The following CMYA5 variants were observed in gnomAD, a reference collection of about 807,000 sequenced individuals.
The protein encoded by CMYA5 is cardiomyopathy-associated protein 5.
CMYA5 carries 246 observed loss-of-function variants against 318.9 expected under a neutral mutation model. That is an observed-to-expected ratio of 0.77 (90% confidence interval 0.70 to 0.86). The LOEUF (loss-of-function observed/expected upper bound fraction) is 0.86. CMYA5 is among the 40% of genes least tolerant of loss of function. The pLI is 0.00. For missense variants in CMYA5, 4,589 were observed against 4,678.2 expected (o/e 0.98, Z 0.56); for synonymous variants, 1,641 against 1,729.5 (o/e 0.95, Z 1.27).
chr5:79,723,176 C>T (rs373864883), intron 1 of CMYA5, among the ~76,000 whole-genome samples: 1 of 152,128 alleles, frequency 6.6e-6, no homozygotes, highest in Non-Finnish European at 1.5e-5. Flanking sequence ...TGCAGTGGCT[C>T]ACGCCTGTAA....
rs1316918306 is a variant in CMYA5, at chr5:79,799,642, A to C, written c.*26A>C. 3.8e-6 allele frequency: 6 copies of C among 1,591,512 alleles called. No homozygotes were observed. In the African/African-American group the frequency reaches 6.7e-5, roughly 18 times the overall value. Reference sequence around the variant, plus strand: ...TCCTTGGCTTTCAGAATTTGCAAGAACAGCGATTTGAATTTTGGGGGGGTC... The same window carrying C: ...TCCTTGGCTTTCAGAATTTGCAAGACCAGCGATTTGAATTTTGGGGGGGTC... On this transcript the variant is annotated 3_prime_UTR_variant, in exon 13 of 13. Coordinates refer to ENST00000446378, the MANE Select transcript of CMYA5 (RefSeq NM_153610.5).
chr5:79,789,126 G>C (rs2302979), intron 10 of CMYA5, 22 bp downstream of exon 10: 228,833 of 1,611,540 alleles, frequency 0.14, 19,786 homozygotes, highest in Admixed American at 0.4. Context: ...TTTGCACACA[G>C]TGAGCTATTT....
At chr5:79,762,641 C>T (rs1402182820) in intron 8 of CMYA5, 1 of 157,672 alleles carries the variant, frequency 6.3e-6, no homozygotes, top group African/African-American at 2.4e-5. Context: ...GGTAACCTGC[C>T]TCAGGGGAAG....
At position 79,735,236 on chromosome 5, in the gene CMYA5, A is replaced by G. The variant is rs777655259; in HGVS notation, c.6471A>G (p.Thr2157=). Reference sequence around the variant, plus strand: ...CTGAGGTGACACAAAATCCACCTACACAACCAAAGGTGGCTAAGCCGGACC... The same window carrying G: ...CTGAGGTGACACAAAATCCACCTACGCAACCAAAGGTGGCTAAGCCGGACC... ...ESPEVTQNPP[T]QPKVAKPDLP... is the part of the protein sequence containing the mutation. The change falls in exon 2 of 13, where the codon ACA becomes ACG. Residue 2157 remains threonine, a synonymous_variant. Coordinates refer to ENST00000446378, the MANE Select transcript of CMYA5 (RefSeq NM_153610.5). 15 of 1,613,692 alleles carry G rather than the reference A, an allele frequency of 9.3e-6. No individual in the cohort carries two copies. The African/African-American group carries it at 1.3e-4, about 14-fold the overall frequency.
rs925659852 is a variant in CMYA5 at position 79,765,128 on chromosome 5, C to G, written c.11555+1919C>G. Among the ~76,000 whole-genome samples the G allele has an allele frequency of 1.3e-5, 2 of 152,128 alleles. 1 individual carries two copies. Among genetic ancestry groups the G allele is most frequent in the Non-Finnish European group, 2.9e-5 (2 of 68,020 alleles). ...AGCGTTTTTATGGTTTTAGGTCTTA[C>G]GTTTAAGTCTTTAATCCATCTTGAG... is the stretch of plus-strand genomic sequence containing the variant. On this transcript the variant is annotated intron_variant, in intron 9 of 12. Coordinates refer to ENST00000446378, the MANE Select transcript of CMYA5 (RefSeq NM_153610.5).
chr5:79,700,838 T>C (rs968661322), intron 1 of CMYA5, among the ~76,000 whole-genome samples: 29 of 152,202 alleles, frequency 1.9e-4, no homozygotes, highest in African/African-American at 5.3e-4. Flanking sequence ...TTCTCAGTCA[T>C]TGGGAGCTAA....
Position 79,789,017 on chromosome 5 carries a change from C to T in CMYA5, c.11602C>T (p.Pro3868Ser). Residue 3868 changes from proline to serine, a missense_variant, in exon 10 of 13, where the codon CCC (proline) becomes TCC (serine). Coordinates refer to ENST00000446378, the MANE Select transcript of CMYA5 (RefSeq NM_153610.5). ...KGLQLKVNLQ[P>S]NDNYFFYVRA... ...ACTCCAGCTGAAAGTTAACCTCCAA[C>T]CCAATGATAACTACTTTTTCTATGT... 2 of 1,613,796 alleles carry T rather than the reference C, an allele frequency of 1.2e-6. No homozygotes were observed. The highest frequency in any genetic ancestry group is 1.7e-6 in the Non-Finnish European group (2 of 1,179,724).
chr5:79,748,519 A>AT lies in CMYA5; in HGVS notation c.10991+1406_10991+1407insT, dbSNP rs781582001. 7.2e-3 allele frequency among the ~76,000 whole-genome samples: 728 copies of AT among 101,104 alleles called. 5 individuals are homozygous for AT. Among genetic ancestry groups the AT allele is most frequent in the Admixed American group, 7.9e-3 (87 of 10,960 alleles). The allele number at this position is 101,104 out of a possible 152,430, so 66.3% of individuals were successfully genotyped here. A position where few individuals can be genotyped will look rare whatever the true frequency, so the allele number is the denominator to read the frequency against. On this transcript the variant is annotated intron_variant, in intron 5 of 12. Coordinates refer to ENST00000446378, the MANE Select transcript of CMYA5 (RefSeq NM_153610.5). ...TCCCTATCTATCTATCTATCTATCT[A>AT]CCTATCTATCTATCTATCTATCTAT...
Position 79,734,737 on chromosome 5 carries a change from CA to C in CMYA5, c.5975del (p.Lys1992SerfsTer3), listed in dbSNP as rs752970073. 16 of 1,613,758 alleles carry C rather than the reference CA, an allele frequency of 9.9e-6. No homozygotes were observed. Among genetic ancestry groups the C allele is most frequent in the Non-Finnish European group, 1.4e-5 (16 of 1,179,786 alleles). ...GAAGAAGTAAAGCTGGCTGAAGAAC[CA>C]AAGTCTTTAGTCCTAGCTGGAAATG... ...SSEEVKLAEE[P>X]KSLVLAGNVE... On this transcript the variant is annotated frameshift_variant, in exon 2 of 13. Transcript: ENST00000446378. LOFTEE classifies it high-confidence loss of function.
chr5:79,788,189 G>C (rs1297678840), intron 9 of CMYA5, among the ~76,000 whole-genome samples: 8 of 150,626 alleles, frequency 5.3e-5, no homozygotes, highest in African/African-American at 1.7e-4. Context: ...CCAAATGGAG[G>C]TTTAAAGAAA....
chr5:79,752,542 T>C (rs1828448420), intron 5 of CMYA5, 134 bp from the exon 6 acceptor site: 3 of 552,408 alleles, frequency 5.4e-6, no homozygotes, highest in Middle Eastern at 3.9e-4. Flanking sequence ...TAAATCCTTT[T>C]TTGGATAGAG....
At chr5:79,788,360 G>C (rs577735478) in intron 9 of CMYA5, among the ~76,000 whole-genome samples, 1 of 152,190 alleles carries the variant, frequency 6.6e-6, no homozygotes, top group African/African-American at 2.4e-5. Flanking sequence ...GTATTAAGTG[G>C]TGGGGCTGTT....
rs1408734185 is a variant in CMYA5, at chr5:79,735,606, A to G, written c.6841A>G (p.Ile2281Val). Reference sequence around the variant, plus strand: ...AGAAGATTTACAACAGCCAAAATTCATTTCTGAGGTGTCTAGGGAAGATTA... The same window carrying G: ...AGAAGATTTACAACAGCCAAAATTCGTTTCTGAGGTGTCTAGGGAAGATTA... Reference protein sequence around the residue: ...NVEDLQQPKFISEVSREDYGK... With the variant: ...NVEDLQQPKFVSEVSREDYGK... Residue 2281 changes from isoleucine to valine, a missense_variant, in exon 2 of 13, where the codon ATT becomes GTT. Physicochemically the swap from Ile to Val is conservative, Grantham distance 29 (BLOSUM62 3). This residue lies in a region of CMYA5 where 2,431 missense variants were observed against 2,495.1 expected (regional missense o/e 0.97). Transcript: ENST00000446378. 8 of 1,613,434 alleles carry G rather than the reference A, an allele frequency of 5.0e-6. No homozygotes were observed. The highest frequency in any genetic ancestry group is 6.8e-6 in the Non-Finnish European group (8 of 1,179,746).
intron 9 of CMYA5, among the ~76,000 whole-genome samples, chr5:79,769,428 C>T (rs764613835): frequency 1.6e-4 from 25 of 152,082 alleles, no homozygotes; most frequent in African/African-American, 4.1e-4. Context: ...CCCTCATATT[C>T]GTGGATTTAT....
At chr5:79,718,348 C>A (rs1403288175) in intron 1 of CMYA5, among the ~76,000 whole-genome samples, 1 of 152,064 alleles carries the variant, frequency 6.6e-6, no homozygotes, top group Admixed American at 6.6e-5. Flanking sequence ...AAAACACTAA[C>A]AGTTTGTATT....
chr5:79,734,342 G>T lies in CMYA5; in HGVS notation c.5577G>T (p.Glu1859Asp). 6.2e-7 allele frequency: 1 copy of T among 1,613,880 alleles called. No homozygotes were observed. Among genetic ancestry groups the T allele is most frequent in the South Asian group, 1.1e-5 (1 of 91,080 alleles). The change falls in exon 2 of 13, where the codon GAG becomes GAT. Residue 1859 changes from glutamate to aspartate, a missense_variant. By Grantham distance (45) the Glu-to-Asp change is conservative (BLOSUM62 2). This residue lies in a region of CMYA5 where 2,132 missense variants were observed against 2,131.3 expected (regional missense o/e 1.00). Transcript: ENST00000446378. ...TTAAGCAGTTTTCACTTATGAGAGAGAATTTGCCTTTGGAACAATCAAAAT... is the reference window on the plus strand; with the variant it reads ...TTAAGCAGTTTTCACTTATGAGAGATAATTTGCCTTTGGAACAATCAAAAT... ...LGIKQFSLMR[E>D]NLPLEQSKSF...
In CMYA5 at chr5:79,735,328, G is replaced by C; in HGVS notation, c.6563G>C (p.Gly2188Ala). The change falls in exon 2 of 13, where the codon GGA (glycine) becomes GCA (alanine). Residue 2188 changes from glycine (G) to alanine (A), a missense_variant. Coordinates refer to ENST00000446378, the MANE Select transcript of CMYA5 (RefSeq NM_153610.5). ...TCGTGGATGTCCAGCTTGTTTTTTGGATCGAGCACTCCAGATAACAAAGTT... is the reference window on the plus strand; with the variant it reads ...TCGTGGATGTCCAGCTTGTTTTTTGCATCGAGCACTCCAGATAACAAAGTT... The part of the protein sequence containing the change: ...FKSWMSSLFF[G>A]SSTPDNKVAE... The C allele has an allele frequency of 6.2e-7, 1 of 1,613,686 alleles. No individual in the cohort carries two copies. Among genetic ancestry groups the C allele is most frequent in the Non-Finnish European group, 8.5e-7 (1 of 1,179,790 alleles).
At chr5:79,795,437 G>A (rs1411984217) in intron 12 of CMYA5, among the ~76,000 whole-genome samples, 2 of 152,126 alleles carry the variant, frequency 1.3e-5, no homozygotes, top group Non-Finnish European at 2.9e-5. Flanking sequence ...ATCATCTCAG[G>A]AGAGTCTGCT....
In CMYA5 at chr5:79,763,068, C is replaced by G; in HGVS notation, c.11414C>G (p.Ser3805Cys). 6.2e-7 allele frequency: 1 copy of G among 1,613,310 alleles called. No individual in the cohort carries two copies. The highest frequency in any genetic ancestry group is 1.7e-5 in the Admixed American group (1 of 59,972). ...SERAIFRTAP[S>C]TPVIRAEDCT... ...CCTGACTCTCTTTCTGCAGCACCCTCCACCCCTGTGATCCGCGCTGAGGAC... is the reference window on the plus strand; with the variant it reads ...CCTGACTCTCTTTCTGCAGCACCCTGCACCCCTGTGATCCGCGCTGAGGAC... Residue 3805 changes from serine (S) to cysteine (C), a missense_variant, in exon 9 of 13, where the codon TCC becomes TGC. Physicochemically the swap from Ser to Cys is moderately radical, Grantham distance 112. Coordinates refer to ENST00000446378, the MANE Select transcript of CMYA5 (RefSeq NM_153610.5).
Sources: gnomAD v4.1 joint callset for allele counts (sites outside exome capture counted in the v4.1 genomes callset) on GRCh38, gnomAD v4.1.1 for gene constraint, gnomAD v4.1.1 regional missense constraint, MANE v1.5 for transcripts, NCBI Gene and HGNC (gene_info 2026-07-23, HGNC 2026-07-21) for gene names.